The following THEMIS variants were observed in gnomAD, a reference collection of about 807,000 sequenced individuals.
The protein encoded by THEMIS is thymocyte selection associated, also known as protein THEMIS.
THEMIS carries 37 observed loss-of-function variants against 52.6 expected under a neutral mutation model. The ratio of observed to expected loss-of-function variants is 0.70; its 90% CI spans 0.54 to 0.93. The LOEUF is 0.93. Ranked by LOEUF, THEMIS falls within the 40% of genes least tolerant of loss-of-function variation. The probability of loss-of-function intolerance (pLI) is 0.00; values close to 1 mark genes in which losing one functional copy is unlikely to be tolerated. For missense variants in THEMIS, 808 were observed against 763.1 expected (o/e 1.06, Z -0.69); for synonymous variants, 292 against 272.7 (o/e 1.07, Z -0.70).
At chr6:127,849,631 C>T (rs760645781) in intron 2 of THEMIS, among the ~76,000 whole-genome samples, 30 of 151,838 alleles carry the variant, frequency 2.0e-4, no homozygotes, top group Non-Finnish European at 3.5e-4. Context: ...CATACAAAAA[C>T]GTAAATTAGG....
intron 4 of THEMIS, among the ~76,000 whole-genome samples, chr6:127,753,003 C>T (rs946859600): frequency 6.6e-6 from 1 of 151,796 alleles, no homozygotes; most frequent in African/African-American, 2.4e-5. Flanking sequence ...TGCAAGGATG[C>T]TTCAACATAT....
chr6:127,743,575 A>C (rs919794901), intron 4 of THEMIS, among the ~76,000 whole-genome samples: 2 of 152,076 alleles, frequency 1.3e-5, no homozygotes, highest in African/African-American at 4.8e-5. Context: ...TTTTAAGAAA[A>C]ATGTACAAGT....
At chr6:127,796,441 A>G (rs936070402) in intron 4 of THEMIS, among the ~76,000 whole-genome samples, 3 of 152,222 alleles carry the variant, frequency 2.0e-5, no homozygotes, top group African/African-American at 7.2e-5. Context: ...GGCACTAAAG[A>G]CCAGATCAAC....
At chr6:127,832,838 C>T (rs1339260681) in intron 2 of THEMIS, among the ~76,000 whole-genome samples, 1 of 116,176 alleles carries the variant, frequency 8.6e-6, no homozygotes, top group Non-Finnish European at 1.6e-5. Context: ...GGCTGGAGTG[C>T]AGTGGTACAA....
At chr6:127,703,343 G>T (rs936784810), downstream of THEMIS, among the ~76,000 whole-genome samples, 2 of 152,082 alleles carry the variant, frequency 1.3e-5, no homozygotes, top group Admixed American at 1.3e-4. Context: ...CACCGCGCCC[G>T]GCTAGAATGA....
At chr6:127,823,221 G>C (rs1778399468) in intron 3 of THEMIS, among the ~76,000 whole-genome samples, 1 of 152,078 alleles carries the variant, frequency 6.6e-6, no homozygotes, top group Admixed American at 6.5e-5. Flanking sequence ...AATGAAATGG[G>C]AGCTGACTAG....
At chr6:127,801,290 G>C (rs890672566) in intron 4 of THEMIS, among the ~76,000 whole-genome samples, 11 of 152,132 alleles carry the variant, frequency 7.2e-5, no homozygotes, top group African/African-American at 2.7e-4. Flanking sequence ...TGAAATCGAG[G>C]ATTCTATCTC....
intron 1 of THEMIS, among the ~76,000 whole-genome samples, chr6:127,897,139 C>T (rs1396751369): frequency 6.6e-6 from 1 of 151,248 alleles, no homozygotes; most frequent in African/African-American, 2.4e-5. Context: ...AACTTCAAAC[C>T]ATATACAAAA....
intron 1 of THEMIS, among the ~76,000 whole-genome samples, chr6:127,863,960 C>T (rs1035697998): frequency 3.3e-5 from 5 of 152,048 alleles, no homozygotes; most frequent in Admixed American, 2.6e-4. Context: ...GGATTCTTCC[C>T]CTGTGTCCCT....
At chr6:127,855,357 T>C (rs1004552029) in intron 1 of THEMIS, among the ~76,000 whole-genome samples, 169 bp from the exon 2 acceptor site, 1 of 151,978 alleles carries the variant, frequency 6.6e-6, no homozygotes, top group African/African-American at 2.4e-5. Flanking sequence ...CAGAAAAATA[T>C]TAGATTTTCA....
Position 127,829,671 on chromosome 6 carries a change from C to A in THEMIS, c.514G>T (p.Glu172Ter), listed in dbSNP as rs1179637971. The A allele has an allele frequency of 2.5e-6, 4 of 1,614,082 alleles. No homozygotes were observed. The highest frequency in any genetic ancestry group is 2.5e-6 in the Non-Finnish European group (3 of 1,179,996). Reference protein sequence around the residue: ...SFNLPLSQEGEFYECEDERIY... With the variant: ...SFNLPLSQEG ...CGTTCATCTTCACACTCGTAGAATT[C>A]TCCTTCTTGTGACAAAGGCAAATTA... Residue 172 changes from glutamate to a stop codon, truncating the protein, a stop_gained, in exon 3 of 6, where the codon GAA becomes TAA. Coordinates refer to ENST00000368248, the MANE Select transcript of THEMIS (RefSeq NM_001010923.3). LOFTEE classifies it high-confidence loss of function.
intron 2 of THEMIS, among the ~76,000 whole-genome samples, chr6:127,852,658 G>A (rs541024122): frequency 6.6e-6 from 1 of 151,548 alleles, no homozygotes; most frequent in Non-Finnish European, 1.5e-5. Flanking sequence ...AACTTAAATA[G>A]TTTTAAAATA....
intron 4 of THEMIS, among the ~76,000 whole-genome samples, chr6:127,794,131 C>T (rs1238594828): frequency 1.3e-5 from 2 of 152,130 alleles, no homozygotes; most frequent in Non-Finnish European, 2.9e-5. Flanking sequence ...CAGAAAGAAA[C>T]ACTTTTGGCT....
At chr6:127,850,537 A>G (rs1178075957) in intron 2 of THEMIS, among the ~76,000 whole-genome samples, 1 of 151,954 alleles carries the variant, frequency 6.6e-6, no homozygotes, top group Non-Finnish European at 1.5e-5. Flanking sequence ...TATATACACC[A>G]TGGAATATTA....
rs1776509447 is a variant in THEMIS at position 127,774,901 on chromosome 6, A to G, written c.1758+37982T>C. Among the ~76,000 whole-genome samples the G allele has an allele frequency of 2.0e-5, 3 of 152,178 alleles. No homozygotes were observed. In the South Asian group the frequency reaches 6.2e-4, roughly 32 times the overall value. ...CTTCCTCTTGATCAGAAGACCATCA[A>G]ATAAAGAAACCAGCTATATGCCCAC... On this transcript the variant is annotated intron_variant, in intron 4 of 5. Transcript: ENST00000368248.
At chr6:127,749,579 T>C (rs1311121927) in intron 4 of THEMIS, among the ~76,000 whole-genome samples, 3 of 151,940 alleles carry the variant, frequency 2.0e-5, no homozygotes, top group African/African-American at 7.2e-5. Flanking sequence ...AACAGTAAAC[T>C]TACAGGTAAG....
intron 1 of THEMIS, among the ~76,000 whole-genome samples, chr6:127,871,320 TAC>T: frequency 1.3e-5 from 2 of 152,172 alleles, no homozygotes; most frequent in East Asian, 3.9e-4. Flanking sequence ...TATATTTATA[TAC>T]ACACACTGAA....
At chr6:127,732,710 T>C (rs1301953474) in intron 4 of THEMIS, among the ~76,000 whole-genome samples, 1 of 152,230 alleles carries the variant, frequency 6.6e-6, no homozygotes, top group Non-Finnish European at 1.5e-5. Flanking sequence ...TTCCATTGTA[T>C]GGATAAACCA....
intron 1 of THEMIS, among the ~76,000 whole-genome samples, chr6:127,858,890 G>C (rs771186472): frequency 2.0e-5 from 3 of 152,066 alleles, no homozygotes; most frequent in African/African-American, 7.2e-5. Context: ...GCCCCTGAAG[G>C]CTGTAATGAA....
Sources: gnomAD v4.1 joint callset for allele counts (sites outside exome capture counted in the v4.1 genomes callset) on GRCh38, gnomAD v4.1.1 for gene constraint, MANE v1.5 for transcripts, NCBI Gene and HGNC (gene_info 2026-07-23, HGNC 2026-07-21) for gene names.